The following CAPN11 variants were observed in gnomAD, a reference collection of about 807,000 sequenced individuals.
The protein encoded by CAPN11 is calpain-11.
In CAPN11, 108 loss-of-function variants were observed where a neutral mutation model predicts 105.3. The observed-to-expected ratio is 1.03, with a 90% CI of 0.88 to 1.20. CAPN11 has a LOEUF of 1.20. CAPN11 is among the 50% of genes most tolerant of loss of function. CAPN11 has a pLI of 0.00. For missense variants in CAPN11, 883 were observed against 924.8 expected, an observed-to-expected ratio of 0.95 and a Z score of 0.59; for synonymous variants, 329 against 344.5, an observed-to-expected ratio of 0.96 and a Z score of 0.50.
chr6:44,181,602 AACCACAC>A (rs1191749802), intron 19 of CAPN11, among the ~76,000 whole-genome samples: 1 of 40,080 alleles, frequency 2.5e-5, no homozygotes. Context: ...ATACAGACAC[AACCACAC>A]CACACTCACA....
At chr6:44,174,352 G>A (rs1771560737) in intron 7 of CAPN11, among the ~76,000 whole-genome samples, 1 of 151,922 alleles carries the variant, frequency 6.6e-6, no homozygotes, top group Non-Finnish European at 1.5e-5. Flanking sequence ...GAGAAACTAG[G>A]ACAGATCTCA....
chr6:44,167,555 T>A (rs1409573098), intron 2 of CAPN11, among the ~76,000 whole-genome samples: 1 of 136,640 alleles, frequency 7.3e-6, no homozygotes, highest in Non-Finnish European at 1.5e-5. Flanking sequence ...TGGAGGCCAT[T>A]AAAAAAAAAA....
rs1465438055 is a variant in CAPN11, at chr6:44,184,105, C to G, written c.*173C>G. 6 of 647,330 alleles carry G rather than the reference C, an allele frequency of 9.3e-6. No homozygotes were observed. Among genetic ancestry groups the G allele is most frequent in the Non-Finnish European group, 1.6e-5 (6 of 374,836 alleles). 40.1% of individuals were successfully genotyped at this position (647,330 alleles called of 1,614,324 possible). ...CGTGTTTACTGCAGCAGTGGGACCT[C>G]CGTGCCCACTCCCCCAGCTCAGAGG... On this transcript the variant is annotated 3_prime_UTR_variant, in exon 23 of 23. Coordinates refer to ENST00000398776, the MANE Select transcript of CAPN11 (RefSeq NM_007058.4).
intron 1 of CAPN11, among the ~76,000 whole-genome samples, chr6:44,166,003 C>G (rs965454274): frequency 3.3e-5 from 5 of 151,926 alleles, no homozygotes; most frequent in Non-Finnish European, 7.4e-5. Context: ...AAATTAGGGT[C>G]CTAGGAGGGG....
At chr6:44,172,911 C>A (rs780734751) in intron 5 of CAPN11, 29 bp from the exon 6 acceptor site, 3 of 1,608,530 alleles carry the variant, frequency 1.9e-6, no homozygotes, top group Non-Finnish European at 2.5e-6. Flanking sequence ...AGGGTTCCCA[C>A]GCAAGGGGTG....
In CAPN11 at chr6:44,176,257, A is replaced by G. The variant is rs747460409; in HGVS notation, c.920A>G (p.His307Arg). 4 of 1,606,568 alleles carry G rather than the reference A, an allele frequency of 2.5e-6. No individual in the cohort carries two copies. Among genetic ancestry groups the G allele is most frequent in the Admixed American group, 1.7e-5 (1 of 59,892 alleles). ...TAACCACCCCCGCCCACCCAGGTCC[A>G]CTACAGAGGCAAAATGGAAACACTG... ...AYSVTGLQDV[H>R]YRGKMETLIR... Residue 307 changes from histidine to arginine, a missense_variant, in exon 9 of 23, where the codon CAC (histidine) becomes CGC (arginine). Transcript: ENST00000398776.
chr6:44,176,546 C>T (rs769350844), intron 9 of CAPN11, 35 bp from the exon 10 acceptor site: 18 of 1,593,874 alleles, frequency 1.1e-5, no homozygotes, highest in South Asian at 6.6e-5. Flanking sequence ...ACATGACCTC[C>T]GCCCCTCTCC....
rs1774199409 is a variant in CAPN11 at position 44,183,993 on chromosome 6, G to A, written c.*61G>A. 1 of 1,540,514 alleles carries A rather than the reference G, an allele frequency of 6.5e-7. No individual in the cohort carries two copies. The highest frequency in any genetic ancestry group is 2.4e-5 in the East Asian group (1 of 40,850). On this transcript the variant is annotated 3_prime_UTR_variant, in exon 23 of 23. Transcript: ENST00000398776. ...CAGCAGCAGCGAGGTTCTAGCCCAG[G>A]AGGGTGGGGTGCTTCTTGTAGCCCT... is the stretch of plus-strand genomic sequence containing the variant.
intron 19 of CAPN11, among the ~76,000 whole-genome samples, 153 bp downstream of exon 19, chr6:44,181,473 A>ACACACACACACACACAC (rs1773246332): frequency 3.8e-5 from 2 of 53,134 alleles, no homozygotes; most frequent in African/African-American, 1.6e-4. Flanking sequence ...ACACACTCAC[A>ACACACACACACACACAC]TACAGACACA....
intron 21 of CAPN11, 112 bp downstream of exon 21, chr6:44,183,347 C>T: frequency 6.9e-6 from 5 of 719,534 alleles, no homozygotes; most frequent in Non-Finnish European, 1.2e-5. Flanking sequence ...ACAAGGCACA[C>T]ATGAAATGGA....
intron 21 of CAPN11, 115 bp from the exon 22 acceptor site, chr6:44,183,590 T>C: frequency 1.1e-6 from 1 of 948,632 alleles, no homozygotes. Context: ...AGGGGATTTA[T>C]GTGGGGAACA....
intron 19 of CAPN11, among the ~76,000 whole-genome samples, chr6:44,181,882 CACAT>C (rs1773617938): frequency 1.4e-5 from 1 of 70,418 alleles, no homozygotes; most frequent in South Asian, 3.8e-4. Flanking sequence ...CATACACACT[CACAT>C]ACAGACACAA....
Position 44,169,451 on chromosome 6 carries a change from GC to G in CAPN11, c.260del (p.Ala87ValfsTer30), listed in dbSNP as rs1225135847. On this transcript the variant is annotated frameshift_variant, in exon 3 of 23. Transcript: ENST00000398776. LOFTEE classifies it high-confidence loss of function. ...GELFEDPLFPAEPSSLGFKDL... is the reference protein window; with the variant it reads ...GELFEDPLFPXEPSSLGFKDL... ...GCTCTTCGAGGACCCCTTATTCCCT[GC>G]TGAACCCAGCTCACTGGGCTTCAAG... 6.2e-7 allele frequency: 1 copy of G among 1,612,126 alleles called. No homozygotes were observed. Among genetic ancestry groups the G allele is most frequent in the African/African-American group, 1.3e-5 (1 of 75,010 alleles).
At chr6:44,172,494 C>A in intron 5 of CAPN11, 74 bp downstream of exon 5, 1 of 869,666 alleles carries the variant, frequency 1.1e-6, no homozygotes. Context: ...TGAAGTTTAC[C>A]TTCTTTCCTT....
intron 19 of CAPN11, among the ~76,000 whole-genome samples, chr6:44,181,574 C>CA (rs1554132266): frequency 2.0e-4 from 1 of 4,916 alleles, no homozygotes; most frequent in Non-Finnish European, 4.9e-4. Context: ...CACAACCACA[C>CA]CACACATACA....
In CAPN11 at chr6:44,179,582, C is replaced by T. The variant is rs754551455; in HGVS notation, c.1417-37C>T. ...CTGAAGGCCTGAGGCCCTTCACCAC[C>T]CTAGAGATCTGACTCTCCTCTTTCT... On this transcript the variant is annotated intron_variant, in intron 12 of 22. Transcript: ENST00000398776. The T allele has an allele frequency of 3.1e-6, 5 of 1,606,658 alleles. No individual in the cohort carries two copies. In the South Asian group the frequency reaches 5.5e-5, roughly 18 times the overall value.
intron 8 of CAPN11, 41 bp from the exon 9 acceptor site, chr6:44,176,211 TG>T (rs1314954628): frequency 6.2e-7 from 1 of 1,607,558 alleles, no homozygotes; most frequent in South Asian, 1.1e-5. Flanking sequence ...AACGTCTCCC[TG>T]ACCCCATAAC....
chr6:44,169,106 A>C (rs545970549), intron 2 of CAPN11, 175 bp from the exon 3 acceptor site: 14 of 715,220 alleles, frequency 2.0e-5, no homozygotes, highest in Admixed American at 1.9e-4. Flanking sequence ...AATTAAAAAA[A>C]ATTTTTTTGT....
intron 11 of CAPN11, 81 bp from the exon 12 acceptor site, chr6:44,177,161 C>T (rs1307552987): frequency 2.7e-6 from 4 of 1,493,150 alleles, no homozygotes; most frequent in African/African-American, 2.8e-5. Context: ...TCCAGTGTGG[C>T]TGGGGAAGCT....
Sources: gnomAD v4.1 joint callset for allele counts (sites outside exome capture counted in the v4.1 genomes callset) on GRCh38, gnomAD v4.1.1 for gene constraint, MANE v1.5 for transcripts, NCBI Gene and HGNC (gene_info 2026-07-23, HGNC 2026-07-21) for gene names.